IMMP1L: variants seen among roughly 807,000 people sequenced by gnomAD.
The protein encoded by IMMP1L is inner mitochondrial membrane peptidase subunit 1, also known as mitochondrial inner membrane protease subunit 1.
In IMMP1L, 24 loss-of-function variants were observed where a neutral mutation model predicts 21.8. That is an observed-to-expected ratio of 1.10 (90% CI 0.80 to 1.55). IMMP1L has a LOEUF of 1.55. IMMP1L is among the 40% of genes most tolerant of loss of function. The pLI, the probability that IMMP1L is intolerant of heterozygous loss-of-function variation, is 0.00. For missense variants in IMMP1L, 195 were observed against 200.7 expected (o/e 0.97, Z 0.17); for synonymous variants, 46 against 62.8 (o/e 0.73, Z 1.26).
At chr11:31,496,950 C>T (rs541742459) in intron 1 of IMMP1L, among the ~76,000 whole-genome samples, 38 of 146,420 alleles carry the variant, frequency 2.6e-4, no homozygotes, top group South Asian at 1.7e-3. Context: ...TCATCTATTA[C>T]GTATATCATA....
intron 1 of IMMP1L, among the ~76,000 whole-genome samples, chr11:31,464,795 C>T (rs1954273663): frequency 6.6e-6 from 1 of 151,944 alleles, no homozygotes; most frequent in South Asian, 2.1e-4. Context: ...TACATCAAAA[C>T]AATAAAAGGC....
At chr11:31,461,039 T>C (rs892617260) in intron 2 of IMMP1L, among the ~76,000 whole-genome samples, 1 of 152,210 alleles carries the variant, frequency 6.6e-6, no homozygotes, top group Non-Finnish European at 1.5e-5. Context: ...TTCCTAGCTA[T>C]ATAACCAAAG....
At chr11:31,499,933 A>C (rs1955563867) in intron 1 of IMMP1L, among the ~76,000 whole-genome samples, 1 of 140,074 alleles carries the variant, frequency 7.1e-6, no homozygotes, top group African/African-American at 2.8e-5. Flanking sequence ...CTGGAGGCTA[A>C]CTTCTTAAAT....
intron 4 of IMMP1L, among the ~76,000 whole-genome samples, chr11:31,434,200 G>A (rs1373902829): frequency 1.3e-5 from 2 of 152,068 alleles, no homozygotes; most frequent in Non-Finnish European, 2.9e-5. Context: ...ATCATCAGTT[G>A]TAAAATTAAT....
chr11:31,490,592 G>T (rs887993659), intron 1 of IMMP1L, among the ~76,000 whole-genome samples: 6 of 151,918 alleles, frequency 3.9e-5, no homozygotes, highest in Non-Finnish European at 8.8e-5. Context: ...GTATTAGTAC[G>T]TTGTAACATA....
intron 1 of IMMP1L, among the ~76,000 whole-genome samples, chr11:31,500,911 T>C (rs1955598784): frequency 6.6e-6 from 1 of 152,238 alleles, no homozygotes; most frequent in Admixed American, 6.5e-5. Flanking sequence ...ATTTACTATT[T>C]GGTCTTTTAT....
intron 1 of IMMP1L, chr11:31,473,625 T>C (rs1259512868): frequency 1.9e-5 from 6 of 316,204 alleles, no homozygotes; most frequent in Non-Finnish European, 2.7e-5. Flanking sequence ...CCTCAGAAGC[T>C]GAAAAGAAAT....
intron 1 of IMMP1L, among the ~76,000 whole-genome samples, chr11:31,496,794 A>G (rs963725191): frequency 3.5e-4 from 52 of 147,602 alleles, no homozygotes; most frequent in African/African-American, 1.1e-3. Flanking sequence ...ATTATAATAG[A>G]TAATCCTATA....
intron 4 of IMMP1L, 88 bp downstream of exon 4, chr11:31,456,172 A>G: frequency 1.1e-6 from 1 of 902,656 alleles, no homozygotes; most frequent in Non-Finnish European, 1.6e-6. Context: ...CATTCAAAAT[A>G]TGAATAAACA....
chr11:31,456,410 T>A lies in IMMP1L; in HGVS notation c.195-24A>T, dbSNP rs1472160256. 3 of 1,600,850 alleles carry A rather than the reference T, an allele frequency of 1.9e-6. No individual in the cohort carries two copies. In the South Asian group the frequency reaches 3.3e-5, roughly 18 times the overall value. Reference sequence around the variant, plus strand: ...CTCTGAGGGGGAAAAGTCAAAGAAATGTCTGTATTATTTATTAAGCAAAAA... The same window carrying A: ...CTCTGAGGGGGAAAAGTCAAAGAAAAGTCTGTATTATTTATTAAGCAAAAA... On this transcript the variant is annotated intron_variant, in intron 3 of 5. Coordinates refer to ENST00000532287, the MANE Select transcript of IMMP1L (RefSeq NM_001304274.2).
chr11:31,465,914 A>C (rs1264577766), intron 1 of IMMP1L, among the ~76,000 whole-genome samples: 2 of 152,082 alleles, frequency 1.3e-5, no homozygotes, highest in Non-Finnish European at 2.9e-5. Flanking sequence ...GCAAGAAAAA[A>C]CAAAAATAGA....
At position 31,456,364 on chromosome 11, in the gene IMMP1L, T is replaced by G. The variant is rs747488504; in HGVS notation, c.217A>C (p.Ser73Arg). ...ATATTTGATTTTGGATCACTTGGGC[T>G]TTTTGCAATCACAATGTCACCTCTG... Reference protein sequence around the residue: ...IQRGDIVIAKSPSDPKSNICK... With the variant: ...IQRGDIVIAKRPSDPKSNICK... Residue 73 changes from serine (S) to arginine (R), a missense_variant, in exon 4 of 6, where the codon AGC becomes CGC. Transcript: ENST00000532287. 2 of 1,611,124 alleles carry G rather than the reference T, an allele frequency of 1.2e-6. No individual in the cohort carries two copies. The highest frequency in any genetic ancestry group is 2.2e-5 in the East Asian group (1 of 44,760).
At chr11:31,433,410 C>T (rs769628686) in intron 5 of IMMP1L, 50 bp downstream of exon 5, 41 of 1,089,436 alleles carry the variant, frequency 3.8e-5, no homozygotes, top group Non-Finnish European at 5.4e-5. Flanking sequence ...TTGAGAGAAA[C>T]TTTTTCTAGC....
At chr11:31,437,153 T>C (rs1451818985) in intron 4 of IMMP1L, 9 of 451,564 alleles carry the variant, frequency 2.0e-5, no homozygotes, top group South Asian at 9.4e-5. Context: ...TTATCTGAAA[T>C]GCTAGAGACC....
At chr11:31,448,710 T>A (rs907561451) in intron 4 of IMMP1L, among the ~76,000 whole-genome samples, 26 of 152,168 alleles carry the variant, frequency 1.7e-4, no homozygotes, top group African/African-American at 6.3e-4. Flanking sequence ...AACATATACA[T>A]ATAAAATATA....
chr11:31,481,555 G>T (rs921770022), intron 1 of IMMP1L, among the ~76,000 whole-genome samples: 1 of 151,738 alleles, frequency 6.6e-6, no homozygotes, highest in Non-Finnish European at 1.5e-5. Context: ...TAATAATCAT[G>T]AAGTTAATAA....
At chr11:31,438,463 G>A (rs1953199722) in intron 4 of IMMP1L, among the ~76,000 whole-genome samples, 1 of 152,004 alleles carries the variant, frequency 6.6e-6, no homozygotes. Context: ...TTTTCTCCCA[G>A]GCTGCATCTT....
intron 1 of IMMP1L, among the ~76,000 whole-genome samples, chr11:31,467,823 A>G (rs1400556579): frequency 6.6e-6 from 1 of 151,106 alleles, no homozygotes; most frequent in Non-Finnish European, 1.5e-5. Context: ...TATCTTTCCA[A>G]TGGGAAGATC....
rs1325138373 is a variant in IMMP1L at position 31,444,610 on chromosome 11, G to C, written c.322-11040C>G. Among the ~76,000 whole-genome samples the C allele has an allele frequency of 6.6e-5, 9 of 137,166 alleles. No individual in the cohort carries two copies. In the East Asian group the frequency reaches 1.9e-3, roughly 28 times the overall value. 90.0% of individuals were successfully genotyped at this position (137,166 alleles called of 152,430 possible). ...ATTCTTTTTTTTTTTTTTTTTCTGA[G>C]ACAGAGTCTTGCTCTGTTGCCCAGG... On this transcript the variant is annotated intron_variant, in intron 4 of 5. Coordinates refer to ENST00000532287, the MANE Select transcript of IMMP1L (RefSeq NM_001304274.2).
Sources: allele counts gnomAD v4.1 joint callset (sites outside exome capture counted in the v4.1 genomes callset), GRCh38; gene constraint gnomAD v4.1.1; transcripts MANE v1.5; gene names NCBI Gene and HGNC (gene_info 2026-07-23, HGNC 2026-07-21).